Variants in RAD51B observed in about 807,000 individuals in gnomAD.
The protein encoded by RAD51B is DNA repair protein RAD51 homolog 2.
In RAD51B, 38 loss-of-function variants were observed where a neutral mutation model predicts 42.2. The ratio of observed to expected loss-of-function variants is 0.90; its 90% CI spans 0.70 to 1.18. The LOEUF is 1.18. Ranked by LOEUF, RAD51B falls within the 50% of genes most tolerant of loss-of-function variation. The pLI, the probability that RAD51B is intolerant of heterozygous loss-of-function variation, is 0.00. For missense variants in RAD51B, 373 were observed against 400.7 expected (o/e 0.93, Z 0.59); for synonymous variants, 154 against 145.2 (o/e 1.06, Z -0.43).
chr14:68,238,260 T>G (rs1401548063), intron 7 of RAD51B, among the ~76,000 whole-genome samples: 1 of 152,180 alleles, frequency 6.6e-6, no homozygotes, highest in Non-Finnish European at 1.5e-5. Flanking sequence ...AGAAACATTT[T>G]TCACAAAATA....
chr14:67,835,306 AAT>A, intron 4 of RAD51B, 110 bp downstream of exon 4: 1 of 805,856 alleles, frequency 1.2e-6, no homozygotes, highest in Non-Finnish European at 2.1e-6. Context: ...ATCTGAATTA[AAT>A]TATAAGTACT....
intron 7 of RAD51B, among the ~76,000 whole-genome samples, chr14:68,117,842 C>T (rs1319334268): frequency 6.6e-6 from 1 of 152,174 alleles, no homozygotes; most frequent in African/African-American, 2.4e-5. Flanking sequence ...TTACACTAAT[C>T]CAACGATGCT....
At chr14:68,375,877 G>T (rs2083358326) in intron 8 of RAD51B, among the ~76,000 whole-genome samples, 1 of 152,018 alleles carries the variant, frequency 6.6e-6, no homozygotes, top group South Asian at 2.1e-4. Flanking sequence ...TAAAATGAAG[G>T]TTCACTCTGG....
In RAD51B at chr14:68,079,686, C is replaced by T. The variant is rs563974777; in HGVS notation, c.756+192482C>T. Among the ~76,000 whole-genome samples the T allele has an allele frequency of 4.6e-5, 7 of 152,258 alleles. No homozygotes were observed. In the East Asian group the frequency reaches 9.6e-4, roughly 21 times the overall value. The stretch of plus-strand genomic sequence containing the variant: ...CTGAATATTTAAAGTATATTAAAAA[C>T]ATTAAAGACAAAAAGACAAAAGTTT... On this transcript the variant is annotated intron_variant, in intron 7 of 10. Coordinates refer to ENST00000471583, the MANE Select transcript of RAD51B (RefSeq NM_133510.4).
At chr14:68,626,874 A>G (rs915416844) in intron 10 of RAD51B, among the ~76,000 whole-genome samples, 1 of 152,202 alleles carries the variant, frequency 6.6e-6, no homozygotes, top group African/African-American at 2.4e-5. Context: ...GCCATCTTGG[A>G]GACTGTCTAT....
chr14:68,079,167 A>G (rs915877414), intron 7 of RAD51B, among the ~76,000 whole-genome samples: 1 of 152,124 alleles, frequency 6.6e-6, no homozygotes, highest in African/African-American at 2.4e-5. Context: ...CAAAATAATC[A>G]TTCTCTTTTT....
intron 8 of RAD51B, among the ~76,000 whole-genome samples, chr14:68,407,132 T>C (rs1024169661): frequency 5.9e-5 from 9 of 152,150 alleles, no homozygotes; most frequent in Non-Finnish European, 1.2e-4. Context: ...AGTAAGTACA[T>C]AGTACATAAA....
At chr14:68,231,788 AT>A (rs1188303162) in intron 7 of RAD51B, among the ~76,000 whole-genome samples, 1 of 151,880 alleles carries the variant, frequency 6.6e-6, no homozygotes, top group African/African-American at 2.4e-5. Flanking sequence ...TACTAAGGTA[AT>A]GAAAAAATTA....
At chr14:68,444,059 G>T (rs2085363936) in intron 9 of RAD51B, among the ~76,000 whole-genome samples, 1 of 152,146 alleles carries the variant, frequency 6.6e-6, no homozygotes, top group African/African-American at 2.4e-5. Flanking sequence ...TCCATGGCAT[G>T]GCCTTCATGA....
At chr14:68,516,914 C>G (rs1886196766) in intron 10 of RAD51B, among the ~76,000 whole-genome samples, 1 of 152,152 alleles carries the variant, frequency 6.6e-6, no homozygotes, top group Non-Finnish European at 1.5e-5. Flanking sequence ...ATACAGGTTT[C>G]TAAAAATTCT....
intron 8 of RAD51B, among the ~76,000 whole-genome samples, chr14:68,293,662 C>T (rs1807841192): frequency 6.6e-6 from 1 of 152,214 alleles, no homozygotes; most frequent in Non-Finnish European, 1.5e-5. Context: ...CACATCCACT[C>T]CTTCGAGGCT....
At chr14:68,567,466 G>C (rs1332997296) in intron 10 of RAD51B, among the ~76,000 whole-genome samples, 1 of 152,084 alleles carries the variant, frequency 6.6e-6, no homozygotes, top group Non-Finnish European at 1.5e-5. Context: ...TACAACTGAT[G>C]AACCTACACT....
At chr14:68,306,916 G>C (rs1441405333) in intron 8 of RAD51B, among the ~76,000 whole-genome samples, 2 of 152,178 alleles carry the variant, frequency 1.3e-5, no homozygotes, top group Non-Finnish European at 2.9e-5. Context: ...GACTTCTGTT[G>C]ACAGGTCATT....
intron 10 of RAD51B, chr14:68,563,828 C>T (rs1469759175): frequency 1.0e-6 from 1 of 985,308 alleles, no homozygotes; most frequent in Admixed American, 6.1e-5. Flanking sequence ...TTGGAACGTG[C>T]TTTTTTACCT....
chr14:68,310,465 GGA>G (rs777684682), intron 8 of RAD51B, among the ~76,000 whole-genome samples: 1 of 152,166 alleles, frequency 6.6e-6, no homozygotes, highest in Non-Finnish European at 1.5e-5. Context: ...CAATATTAGT[GGA>G]GAACCCCATG....
intron 10 of RAD51B, chr14:68,563,313 G>C: frequency 1.0e-6 from 1 of 985,312 alleles, no homozygotes. Context: ...TTCTCTCCTC[G>C]GGGCGTGCTC....
At chr14:68,465,705 G>T (rs1041980792) in intron 9 of RAD51B, among the ~76,000 whole-genome samples, 1 of 152,080 alleles carries the variant, frequency 6.6e-6, no homozygotes, top group Non-Finnish European at 1.5e-5. Context: ...ACTTTGGGAG[G>T]CCAGGGCAGG....
intron 7 of RAD51B, among the ~76,000 whole-genome samples, chr14:68,050,738 C>T (rs1001679601): frequency 1.3e-5 from 2 of 152,068 alleles, no homozygotes; most frequent in Non-Finnish European, 2.9e-5. Context: ...TCTCTTAACG[C>T]ATTTATGTTA....
intron 10 of RAD51B, among the ~76,000 whole-genome samples, chr14:68,522,691 G>A (rs1403034222): frequency 6.6e-6 from 1 of 152,162 alleles, no homozygotes; most frequent in Non-Finnish European, 1.5e-5. Context: ...TTGAAGCTCT[G>A]GATAGAAGAG....
Sources: allele counts gnomAD v4.1 joint callset (sites outside exome capture counted in the v4.1 genomes callset), GRCh38; gene constraint gnomAD v4.1.1; transcripts MANE v1.5; gene names NCBI Gene and HGNC (gene_info 2026-07-23, HGNC 2026-07-21).